Variants in GPR158 observed in about 807,000 individuals in gnomAD.
GPR158 encodes metabotropic glycine receptor.
Under a neutral mutation model 78.2 loss-of-function variants are expected in GPR158, and 30 were observed. The observed-to-expected ratio is 0.38, with a 90% CI of 0.29 to 0.52. The LOEUF is 0.52. Ranked by LOEUF, GPR158 falls within the 20% of genes least tolerant of loss-of-function variation. GPR158 has a pLI of 0.83. For synonymous variants in GPR158, 581 were observed against 591.1 expected, an observed-to-expected ratio of 0.98 and a Z score of 0.25; for missense variants, 1,463 against 1,523.5, an observed-to-expected ratio of 0.96 and a Z score of 0.66.
intron 1 of GPR158, among the ~76,000 whole-genome samples, chr10:25,205,662 C>G (rs913982748): frequency 6.6e-6 from 1 of 152,002 alleles, no homozygotes; most frequent in Non-Finnish European, 1.5e-5. Flanking sequence ...GATGTCTGCC[C>G]TAATGTCATT....
At chr10:25,490,890 G>A (rs558172824) in intron 5 of GPR158, among the ~76,000 whole-genome samples, 3 of 152,112 alleles carry the variant, frequency 2.0e-5, no homozygotes, top group South Asian at 4.1e-4. Flanking sequence ...AAAATAATAC[G>A]CAACCCAACA....
chr10:25,404,521 T>C (rs1273758285), intron 3 of GPR158, among the ~76,000 whole-genome samples: 1 of 152,094 alleles, frequency 6.6e-6, no homozygotes, highest in East Asian at 1.9e-4. Context: ...TTTTCAACCT[T>C]ATGTCTAGTT....
intron 2 of GPR158, among the ~76,000 whole-genome samples, chr10:25,338,505 ATT>A (rs1491568652): frequency 1.4e-5 from 2 of 138,154 alleles, no homozygotes; most frequent in Non-Finnish European, 3.1e-5. Context: ...ACGTATATAT[ATT>A]ACGTATAATA....
intron 2 of GPR158, among the ~76,000 whole-genome samples, chr10:25,279,831 T>C (rs542172314): frequency 5.3e-4 from 80 of 152,288 alleles, no homozygotes; most frequent in African/African-American, 1.9e-3. Context: ...TTAATTTCTT[T>C]TAATTCCTGT....
chr10:25,240,530 A>G (rs1260285768), intron 2 of GPR158, among the ~76,000 whole-genome samples: 1 of 152,220 alleles, frequency 6.6e-6, no homozygotes, highest in Admixed American at 6.5e-5. Flanking sequence ...TGGTCAGGAC[A>G]GGCATCAGGA....
intron 10 of GPR158, 39 bp from the exon 11 acceptor site, chr10:25,597,733 A>T (rs1325035157): frequency 6.8e-7 from 1 of 1,467,246 alleles, no homozygotes; most frequent in Non-Finnish European, 9.1e-7. Flanking sequence ...CTGGAACACT[A>T]AATTCTACAC....
intron 5 of GPR158, among the ~76,000 whole-genome samples, chr10:25,469,658 C>T (rs1319435715): frequency 6.6e-6 from 1 of 151,776 alleles, no homozygotes; most frequent in South Asian, 2.1e-4. Flanking sequence ...GTGGCAGGCA[C>T]CTGTAGTCCC....
At position 25,464,725 on chromosome 10, in the gene GPR158, C is replaced by T. The variant is rs535613625; in HGVS notation, c.1336-1926C>T. Among the ~76,000 whole-genome samples, 17 of 152,250 alleles carry T rather than the reference C, an allele frequency of 1.1e-4. No homozygotes were observed. The South Asian group carries it at 3.5e-3, about 32-fold the overall frequency. On this transcript the variant is annotated intron_variant, in intron 4 of 10. Coordinates refer to ENST00000376351, the MANE Select transcript of GPR158 (RefSeq NM_020752.3). ...TTTTCATGTCCTCTTGTTCAGCCAA[C>T]CAATAGCATACAAATTATTTTACAG...
intron 7 of GPR158, among the ~76,000 whole-genome samples, chr10:25,586,370 G>A (rs113236205): frequency 6.7e-6 from 1 of 149,142 alleles, no homozygotes. Flanking sequence ...TATTTCCAGG[G>A]TTGTAAGTAG....
intron 2 of GPR158, among the ~76,000 whole-genome samples, chr10:25,247,989 C>T (rs920503864): frequency 1.5e-4 from 23 of 151,498 alleles, no homozygotes; most frequent in African/African-American, 5.1e-4. Context: ...TGTTTCCTGA[C>T]TTTTTAATGA....
chr10:25,196,018 T>G (rs1490475118), intron 1 of GPR158, among the ~76,000 whole-genome samples: 1 of 152,164 alleles, frequency 6.6e-6, no homozygotes, highest in Non-Finnish European at 1.5e-5. Context: ...GTTCTGAATA[T>G]TCATGATGAT....
chr10:25,283,627 C>T lies in GPR158; in HGVS notation c.1008+62470C>T, dbSNP rs192807344. On this transcript the variant is annotated intron_variant, in intron 2 of 10. Coordinates refer to ENST00000376351, the MANE Select transcript of GPR158 (RefSeq NM_020752.3). The stretch of plus-strand genomic sequence containing the variant: ...TTTTCCAATTTCATTGATTTTTGCT[C>T]ATATTTTTACTCTTTCTCCTTACTT... Among the ~76,000 whole-genome samples the T allele has an allele frequency of 3.5e-3, 536 of 151,886 alleles. 5 individuals are homozygous for T. The highest frequency in any genetic ancestry group is 5.6e-3 in the Admixed American group (85 of 15,258).
At chr10:25,390,809 T>A (rs1760733) in intron 2 of GPR158, among the ~76,000 whole-genome samples, 98,126 of 152,136 alleles carry the variant, frequency 0.64, 32,625 homozygotes, top group Non-Finnish European at 0.73. Context: ...AGAAATTTGC[T>A]TAATCACCAA....
chr10:25,287,667 G>A (rs1206531864), intron 2 of GPR158, among the ~76,000 whole-genome samples: 1 of 152,072 alleles, frequency 6.6e-6, no homozygotes, highest in East Asian at 1.9e-4. Context: ...GACAGTGTCT[G>A]TAAGCAAATG....
chr10:25,205,930 A>G (rs1335002569), intron 1 of GPR158, among the ~76,000 whole-genome samples: 2 of 150,926 alleles, frequency 1.3e-5, no homozygotes, highest in Non-Finnish European at 2.9e-5. Flanking sequence ...AGAGTTCTAT[A>G]GATATTTGTT....
chr10:25,335,080 T>C (rs566131765), intron 2 of GPR158, among the ~76,000 whole-genome samples: 2 of 152,116 alleles, frequency 1.3e-5, no homozygotes, highest in Non-Finnish European at 2.9e-5. Context: ...GGAGACCCCA[T>C]GTGCTACAGA....
At chr10:25,441,888 C>T (rs191416920) in intron 4 of GPR158, among the ~76,000 whole-genome samples, 81 of 152,174 alleles carry the variant, frequency 5.3e-4, no homozygotes, top group African/African-American at 1.8e-3. Context: ...AGAAATGAAA[C>T]CAAGTGAAGA....
chr10:25,506,351 G>C (rs1372253056), intron 5 of GPR158, among the ~76,000 whole-genome samples: 1 of 152,192 alleles, frequency 6.6e-6, no homozygotes, highest in South Asian at 2.1e-4. Flanking sequence ...CTATCCTCCA[G>C]AAAGTGGACC....
chr10:25,466,787 TAC>T (rs71399973), intron 5 of GPR158, 68 bp downstream of exon 5: 10,859 of 689,346 alleles, frequency 0.016, 391 homozygotes, highest in African/African-American at 0.13. Context: ...AGTTACTGTT[TAC>T]ACACACACAC....
Sources: allele counts gnomAD v4.1 joint callset (sites outside exome capture counted in the v4.1 genomes callset), GRCh38; gene constraint gnomAD v4.1.1; transcripts MANE v1.5; gene names NCBI Gene and HGNC (gene_info 2026-07-23, HGNC 2026-07-21).